The following SH3GLB1 variants were observed in gnomAD, a reference collection of about 807,000 sequenced individuals.
SH3GLB1 encodes endophilin-B1.
A neutral mutation model predicts 42.0 loss-of-function variants in SH3GLB1; 17 were observed. The observed-to-expected ratio is 0.40, with a 90% confidence interval of 0.28 to 0.61. The LOEUF (loss-of-function observed/expected upper bound fraction) is 0.61. Among genes scored for constraint, SH3GLB1 ranks in the 20% least tolerant of loss-of-function variants. The pLI, the probability that SH3GLB1 is intolerant of heterozygous loss-of-function variation, is 0.36. For missense variants in SH3GLB1, 355 were observed against 426.3 expected, an observed-to-expected ratio of 0.83 and a Z score of 1.47; for synonymous variants, 132 against 146.6, an observed-to-expected ratio of 0.90 and a Z score of 0.72.
chr1:86,726,406 C>T (rs968068127), intron 5 of SH3GLB1, among the ~76,000 whole-genome samples: 3 of 151,942 alleles, frequency 2.0e-5, no homozygotes, highest in Non-Finnish European at 2.9e-5. Flanking sequence ...TAATAGTAGA[C>T]CAATTTTGAG....
chr1:86,736,090 G>A (rs189040233), intron 7 of SH3GLB1, among the ~76,000 whole-genome samples: 8 of 152,274 alleles, frequency 5.3e-5, no homozygotes, highest in Admixed American at 1.3e-4. Flanking sequence ...GGGAAAGTTC[G>A]GGGAACTGAT....
chr1:86,724,953 TATA>T (rs1259178476), intron 5 of SH3GLB1, among the ~76,000 whole-genome samples: 1 of 143,214 alleles, frequency 7.0e-6, no homozygotes, highest in East Asian at 2.0e-4. Context: ...ATATAAAATA[TATA>T]ATACATATGT....
intron 2 of SH3GLB1, among the ~76,000 whole-genome samples, chr1:86,719,212 T>C (rs1654721133): frequency 6.6e-6 from 1 of 152,226 alleles, no homozygotes; most frequent in Non-Finnish European, 1.5e-5. Flanking sequence ...TCAATAAATA[T>C]TAAGTGAATT....
At chr1:86,733,659 G>C (rs745935035) in intron 5 of SH3GLB1, among the ~76,000 whole-genome samples, 1 of 152,172 alleles carries the variant, frequency 6.6e-6, no homozygotes, top group Non-Finnish European at 1.5e-5. Context: ...GGTTTGAGAA[G>C]ATGTTTTTTG....
At position 86,722,672 on chromosome 1, in the gene SH3GLB1, C is replaced by T. The variant is rs144540011; in HGVS notation, c.476C>T (p.Ala159Val). The change falls in exon 4 of 9, where the codon GCT (alanine) becomes GTT (valine). Residue 159 changes from alanine (A) to valine (V), a missense_variant and splice_region_variant. Ala to Val is a moderately conservative substitution (Grantham distance 64). Coordinates refer to ENST00000370558, the MANE Select transcript of SH3GLB1 (RefSeq NM_016009.5). ...ATAGAAGGAGATTACAAAACAATTG[C>T]TGTGAGTTGAAAAATGTCCCCTTTA... ...NFIEGDYKTI[A>V]KERKLLQNKR... The T allele has an allele frequency of 2.9e-5, 46 of 1,589,782 alleles. No homozygotes were observed. Among genetic ancestry groups the T allele is most frequent in the Non-Finnish European group, 3.7e-5 (43 of 1,171,192 alleles).
Position 86,714,643 on chromosome 1 carries a change from CAG to C in SH3GLB1, c.73-1079_73-1078del, listed in dbSNP as rs200541905. 3.8e-3 allele frequency among the ~76,000 whole-genome samples: 585 copies of C among 152,202 alleles called. 4 individuals are homozygous for C. The highest frequency in any genetic ancestry group is 0.034 in the Middle Eastern group (10 of 294). On this transcript the variant is annotated intron_variant, in intron 1 of 8. Transcript: ENST00000370558. ...GGATGCTGAAAGAAACAATAAAACT[CAG>C]AAAATAGAGTAGCAAACGAGATTTT...
chr1:86,725,810 A>C (rs1331151079), intron 5 of SH3GLB1, among the ~76,000 whole-genome samples: 1 of 152,164 alleles, frequency 6.6e-6, no homozygotes, highest in Non-Finnish European at 1.5e-5. Flanking sequence ...TATGAGCAGA[A>C]TAAGTTATTT....
chr1:86,736,127 T>C (rs1222031975), intron 7 of SH3GLB1, among the ~76,000 whole-genome samples: 1 of 152,198 alleles, frequency 6.6e-6, no homozygotes, highest in Non-Finnish European at 1.5e-5. Flanking sequence ...TGGAGCATAG[T>C]GTTCAAGAAT....
chr1:86,716,885 A>G (rs1654567297), intron 2 of SH3GLB1, among the ~76,000 whole-genome samples: 1 of 152,216 alleles, frequency 6.6e-6, no homozygotes, highest in Non-Finnish European at 1.5e-5. Flanking sequence ...CCAAGTTGTG[A>G]TATGACATAT....
chr1:86,719,798 A>C (rs569827148), intron 3 of SH3GLB1, among the ~76,000 whole-genome samples, 163 bp downstream of exon 3: 1 of 151,990 alleles, frequency 6.6e-6, no homozygotes, highest in African/African-American at 2.4e-5. Flanking sequence ...GATCGAGACT[A>C]TCCTGGCTAA....
rs140937091 is a variant in SH3GLB1, at chr1:86,707,616, C to T, written c.72+2645C>T. On this transcript the variant is annotated intron_variant, in intron 1 of 8. Coordinates refer to ENST00000370558, the MANE Select transcript of SH3GLB1 (RefSeq NM_016009.5). ...GAAATGTTTATGGATAAACTTATAT[C>T]ATATCTGAGATTTGGTTTTTACAGG... Among the ~76,000 whole-genome samples, 17 of 149,036 alleles carry T rather than the reference C, an allele frequency of 1.1e-4. No individual in the cohort carries two copies. The East Asian group carries it at 3.3e-3, about 29-fold the overall frequency.
chr1:86,730,194 A>G (rs1414978416), intron 5 of SH3GLB1: 1 of 1,528,322 alleles, frequency 6.5e-7, no homozygotes, highest in African/African-American at 1.4e-5. Context: ...GCAACAACCC[A>G]TGGGTCCAGT....
chr1:86,740,458 C>G (rs1226590867), intron 7 of SH3GLB1, among the ~76,000 whole-genome samples: 1 of 151,948 alleles, frequency 6.6e-6, no homozygotes, highest in Non-Finnish European at 1.5e-5. Context: ...AGGTTTTTAC[C>G]AAATCAGTAC....
intron 2 of SH3GLB1, among the ~76,000 whole-genome samples, chr1:86,717,409 TTTTTG>T (rs765459476): frequency 1.3e-4 from 20 of 152,010 alleles, no homozygotes; most frequent in East Asian, 5.8e-4. Context: ...TGCTGTGGTT[TTTTTG>T]TTTTGTTTTG....
At chr1:86,707,464 T>C (rs1653934395) in intron 1 of SH3GLB1, among the ~76,000 whole-genome samples, 2 of 152,148 alleles carry the variant, frequency 1.3e-5, no homozygotes, top group Admixed American at 6.5e-5. Flanking sequence ...TTGGATTGGC[T>C]GTGAGGTATG....
At chr1:86,717,531 T>C (rs1162157170) in intron 2 of SH3GLB1, among the ~76,000 whole-genome samples, 1 of 152,044 alleles carries the variant, frequency 6.6e-6, no homozygotes, top group Non-Finnish European at 1.5e-5. Context: ...GCGATTTTCC[T>C]GCCTCTGCCT....
chr1:86,735,234 A>ACT (rs1655724554), intron 7 of SH3GLB1, 55 bp downstream of exon 7: 1 of 1,151,656 alleles, frequency 8.7e-7, no homozygotes, highest in Admixed American at 1.7e-5. Flanking sequence ...TTGCTTATGA[A>ACT]CTAATACTAA....
rs896533681 is a variant in SH3GLB1, at chr1:86,704,730, C to A, written c.-170C>A. 6.2e-6 allele frequency: 3 copies of A among 483,882 alleles called. No individual in the cohort carries two copies. Among genetic ancestry groups the A allele is most frequent in the Non-Finnish European group, 1.1e-5 (3 of 274,716 alleles). The allele number at this position is 483,882 out of a possible 1,614,324, so 30.0% of individuals were successfully genotyped here. The stretch of plus-strand genomic sequence containing the variant: ...GCGCTTGTTCTCCTCCCTCGCCCCG[C>A]CTTCATCCTCCCCGTTCACGGAAAC... On this transcript the variant is annotated 5_prime_UTR_variant, in exon 1 of 9. Coordinates refer to ENST00000370558, the MANE Select transcript of SH3GLB1 (RefSeq NM_016009.5).
At chr1:86,723,135 GA>G (rs1214507751) in intron 4 of SH3GLB1, among the ~76,000 whole-genome samples, 1 of 152,126 alleles carries the variant, frequency 6.6e-6, no homozygotes, top group African/African-American at 2.4e-5. Context: ...TAGAAACTTT[GA>G]ATATGTTCAC....
Sources: allele counts gnomAD v4.1 joint callset (sites outside exome capture counted in the v4.1 genomes callset), GRCh38; gene constraint gnomAD v4.1.1; transcripts MANE v1.5; gene names NCBI Gene and HGNC (gene_info 2026-07-23, HGNC 2026-07-21).